The following SCN8A variants were observed in gnomAD, a reference collection of about 807,000 sequenced individuals.
SCN8A encodes sodium voltage-gated channel alpha subunit 8.
In SCN8A, 30 loss-of-function variants were observed where a neutral mutation model predicts 184.1. The ratio of observed to expected loss-of-function variants is 0.16; its 90% confidence interval spans 0.12 to 0.22. The LOEUF is 0.22. SCN8A is among the 10% of genes least tolerant of loss of function. SCN8A has a pLI of 1.00. For synonymous variants in SCN8A, 852 were observed against 907.0 expected, an observed-to-expected ratio of 0.94 and a Z score of 1.09; for missense variants, 1,057 against 2,498.9, an observed-to-expected ratio of 0.42 and a Z score of 12.30.
rs909356057 is a variant in SCN8A at position 51,650,714 on chromosome 12, G to C, written c.-54-12050G>C. Among the ~76,000 whole-genome samples, 7 of 152,218 alleles carry C rather than the reference G, an allele frequency of 4.6e-5. No individual in the cohort carries two copies. The East Asian group carries it at 1.4e-3, about 30-fold the overall frequency. On this transcript the variant is annotated intron_variant, in intron 1 of 26. Coordinates refer to ENST00000627620, the MANE Select transcript of SCN8A (RefSeq NM_001330260.2). ...GATGGTTGTGGGTTTACCGGAATGA[G>C]GGCAAGGAACACCTGGCCCACCCCA... is the stretch of plus-strand genomic sequence containing the variant.
At chr12:51,747,081 C>CTG (rs1328800141) in intron 13 of SCN8A, among the ~76,000 whole-genome samples, 2,550 of 90,504 alleles carry the variant, frequency 0.028, 70 homozygotes, top group East Asian at 0.048. Flanking sequence ...CACTTCTACT[C>CTG]TGTGTGTATG....
chr12:51,805,747 C>T (rs1385915655), intron 26 of SCN8A, among the ~76,000 whole-genome samples: 1 of 152,008 alleles, frequency 6.6e-6, no homozygotes, highest in Non-Finnish European at 1.5e-5. Flanking sequence ...ACAACAACAT[C>T]AAAAGACAAA....
At chr12:51,798,365 G>A (rs562156107) in intron 26 of SCN8A, among the ~76,000 whole-genome samples, 2 of 152,326 alleles carry the variant, frequency 1.3e-5, no homozygotes, top group African/African-American at 4.8e-5. Context: ...ATTGCATGCA[G>A]GATAAGCAAA....
In SCN8A at chr12:51,698,962, A is replaced by C. The variant is rs576227402; in HGVS notation, c.707-608A>C. Among the ~76,000 whole-genome samples the C allele has an allele frequency of 2.6e-5, 4 of 152,312 alleles. No homozygotes were observed. In the East Asian group the frequency reaches 7.7e-4, roughly 29 times the overall value. On this transcript the variant is annotated intron_variant, in intron 6 of 26. Coordinates refer to ENST00000627620, the MANE Select transcript of SCN8A (RefSeq NM_001330260.2). The stretch of plus-strand genomic sequence containing the variant: ...GATTTTTCCATTTGTTTCTTTGACA[A>C]ATATTTACTAAATACCTACTGTGGG...
intron 24 of SCN8A, among the ~76,000 whole-genome samples, chr12:51,789,830 G>T (rs2138910542): frequency 6.6e-6 from 1 of 152,290 alleles, no homozygotes; most frequent in African/African-American, 2.4e-5. Flanking sequence ...CCCACCTTTG[G>T]AAAGTTTACT....
chr12:51,641,475 GTCCTAGC>G (rs889359221), intron 1 of SCN8A, among the ~76,000 whole-genome samples: 2 of 152,176 alleles, frequency 1.3e-5, no homozygotes, highest in African/African-American at 4.8e-5. Flanking sequence ...CTGAGTCTAA[GTCCTAGC>G]TCTGCTACTT....
rs1026463539 is a variant in SCN8A, at chr12:51,679,000, C to T, written c.277-5174C>T. On this transcript the variant is annotated intron_variant, in intron 2 of 26. Transcript: ENST00000627620. ...CTGAGGCAGGAGAATGGCATGAACC[C>T]AGGAGGTGGAGGTTGCAGTGAGCCG... 2.0e-5 allele frequency among the ~76,000 whole-genome samples: 3 copies of T among 151,764 alleles called. No homozygotes were observed. The East Asian group carries it at 5.8e-4, about 30-fold the overall frequency.
intron 12 of SCN8A, among the ~76,000 whole-genome samples, chr12:51,733,323 TG>T (rs1309857284): frequency 6.6e-6 from 1 of 152,234 alleles, no homozygotes; most frequent in African/African-American, 2.4e-5. Flanking sequence ...ATATGGTTTT[TG>T]TTGTTTATTC....
At chr12:51,721,961 G>GC in intron 12 of SCN8A, 53 bp downstream of exon 12, 1 of 1,599,074 alleles carries the variant, frequency 6.3e-7, no homozygotes, top group Non-Finnish European at 8.5e-7. Flanking sequence ...AACACAAATA[G>GC]ATCGAGGCTA....
chr12:51,750,214 T>A (rs1395084004), intron 13 of SCN8A, among the ~76,000 whole-genome samples: 1 of 152,214 alleles, frequency 6.6e-6, no homozygotes, highest in Non-Finnish European at 1.5e-5. Flanking sequence ...AAGAAATCTA[T>A]CCAAGTGGGC....
At chr12:51,717,595 A>G (rs1187694011) in intron 11 of SCN8A, among the ~76,000 whole-genome samples, 1 of 152,232 alleles carries the variant, frequency 6.6e-6, no homozygotes, top group East Asian at 1.9e-4. Context: ...ATGTAAGAAG[A>G]ATAGTAAGCT....
intron 19 of SCN8A, among the ~76,000 whole-genome samples, chr12:51,771,270 G>A (rs1355349710): frequency 6.6e-6 from 1 of 152,194 alleles, no homozygotes; most frequent in Non-Finnish European, 1.5e-5. Flanking sequence ...ACAGGGTGTG[G>A]TGTGAGGGAG....
intron 1 of SCN8A, among the ~76,000 whole-genome samples, chr12:51,646,121 A>C (rs1281006838): frequency 6.6e-6 from 1 of 152,142 alleles, no homozygotes; most frequent in East Asian, 1.9e-4. Flanking sequence ...ACAGGATGCC[A>C]CTAATGGATT....
At chr12:51,678,201 GTTCTCCTGAGAACAGGGGATAAA>G (rs1417014159) in intron 2 of SCN8A, among the ~76,000 whole-genome samples, 2 of 152,126 alleles carry the variant, frequency 1.3e-5, no homozygotes, top group Non-Finnish European at 2.9e-5. Flanking sequence ...CATATTCACT[GTTCTCCTGAGAACAGGGGATAAA>G]AGTAGGGGAG....
At chr12:51,678,175 T>C (rs1270005694) in intron 2 of SCN8A, among the ~76,000 whole-genome samples, 1 of 152,222 alleles carries the variant, frequency 6.6e-6, no homozygotes, top group Non-Finnish European at 1.5e-5. Context: ...TCACCAGTCA[T>C]TCCTTTCCAT....
At chr12:51,592,129 G>T (rs1939238857) in intron 1 of SCN8A, among the ~76,000 whole-genome samples, 2 of 139,284 alleles carry the variant, frequency 1.4e-5, no homozygotes, top group Non-Finnish European at 3.0e-5. Context: ...CTTACCATCA[G>T]CAGCAGCACC....
chr12:51,802,362 A>G (rs1938579019), intron 26 of SCN8A, among the ~76,000 whole-genome samples: 1 of 152,130 alleles, frequency 6.6e-6, no homozygotes, highest in Non-Finnish European at 1.5e-5. Context: ...AAAGGCTGTC[A>G]GAGTTTACAA....
At chr12:51,654,348 C>A (rs1464715484) in intron 1 of SCN8A, among the ~76,000 whole-genome samples, 1 of 152,034 alleles carries the variant, frequency 6.6e-6, no homozygotes, top group Non-Finnish European at 1.5e-5. Context: ...GTCTTTGATC[C>A]ATTTTGAGTT....
chr12:51,712,093 C>T (rs1447244491), intron 11 of SCN8A, among the ~76,000 whole-genome samples: 1 of 152,076 alleles, frequency 6.6e-6, no homozygotes, highest in African/African-American at 2.4e-5. Context: ...GTTAAAAATT[C>T]CTTAATTTTT....
Sources: allele counts gnomAD v4.1 joint callset (sites outside exome capture counted in the v4.1 genomes callset), GRCh38; gene constraint gnomAD v4.1.1; transcripts MANE v1.5; gene names NCBI Gene and HGNC (gene_info 2026-07-23, HGNC 2026-07-21).